The following PTGER4 variants were observed in gnomAD, a reference collection of about 807,000 sequenced individuals.
PTGER4 encodes prostaglandin E receptor 4, also known as prostaglandin E2 receptor EP4 subtype.
Under a neutral mutation model 33.2 loss-of-function variants are expected in PTGER4, and 11 were observed. That is an observed-to-expected ratio of 0.33 (90% CI 0.21 to 0.55). The LOEUF (loss-of-function observed/expected upper bound fraction) is 0.55, where lower values mean the gene tolerates loss of function less well. Ranked by LOEUF, PTGER4 falls within the 20% of genes least tolerant of loss-of-function variation. The pLI is 0.92. For synonymous variants in PTGER4, 275 were observed against 281.5 expected, an observed-to-expected ratio of 0.98 and a Z score of 0.23; for missense variants, 481 against 650.2, an observed-to-expected ratio of 0.74 and a Z score of 2.83.
rs562857775 is a variant in PTGER4 at position 40,692,359 on chromosome 5, T to C, written c.1448T>C (p.Leu483Ser). Residue 483 changes from leucine (L) to serine (S), a missense_variant, in exon 3 of 3, where the codon TTA becomes TCA. Leu to Ser is a moderately radical substitution (Grantham distance 145). Around this residue, in one of 7 missense-constraint regions of PTGER4, gnomAD observed 172 missense variants for 199.2 expected, o/e 0.86. Transcript: ENST00000302472. ...ACATTTCCCAGTGAAACACTGAACT[T>C]ATCAGAAAAATGTATATAATAGGCA... is the stretch of plus-strand genomic sequence containing the variant. ...QVTFPSETLN[L>S]SEKCI 15 of 1,595,146 alleles carry C rather than the reference T, an allele frequency of 9.4e-6. No homozygotes were observed. The South Asian group carries it at 1.7e-4, about 18-fold the overall frequency.
At chr5:40,701,320 G>T in the PTGER4 span, among the ~76,000 whole-genome samples, 1 of 152,112 alleles carries the variant, frequency 6.6e-6, no homozygotes, top group African/African-American at 2.4e-5. Flanking sequence ...TGAAATAGCT[G>T]GTATCAAAAC....
At chr5:40,713,901 C>T in the PTGER4 span, among the ~76,000 whole-genome samples, 1 of 152,178 alleles carries the variant, frequency 6.6e-6, no homozygotes, top group Non-Finnish European at 1.5e-5. Flanking sequence ...GCATTTTTCT[C>T]TTCACGCATA....
At chr5:40,701,355 G>C in the PTGER4 span, among the ~76,000 whole-genome samples, 1 of 152,154 alleles carries the variant, frequency 6.6e-6, no homozygotes, top group Non-Finnish European at 1.5e-5. Flanking sequence ...TGACAGAGCT[G>C]AATAACACAA....
the PTGER4 span, among the ~76,000 whole-genome samples, chr5:40,707,773 A>G: frequency 4.1e-3 from 629 of 152,288 alleles, 3 homozygotes; most frequent in African/African-American, 0.015. Context: ...CTGACCACAT[A>G]GTTGGAAGTA....
At chr5:40,730,582 A>G in the PTGER4 span, among the ~76,000 whole-genome samples, 2 of 152,252 alleles carry the variant, frequency 1.3e-5, no homozygotes, top group South Asian at 2.1e-4. Flanking sequence ...TACCCATTAA[A>G]CAATAACTCC....
chr5:40,743,853 G>A, the PTGER4 span, among the ~76,000 whole-genome samples: 1 of 152,160 alleles, frequency 6.6e-6, no homozygotes, highest in Admixed American at 6.5e-5. Flanking sequence ...AGCAAAAAAT[G>A]TAATCATGTT....
At chr5:40,737,453 A>G in the PTGER4 span, among the ~76,000 whole-genome samples, 4 of 152,240 alleles carry the variant, frequency 2.6e-5, no homozygotes, top group African/African-American at 9.6e-5. Flanking sequence ...TTATCTGTCA[A>G]TTAACTTGCA....
chr5:40,742,395 C>T, the PTGER4 span, among the ~76,000 whole-genome samples: 5 of 152,028 alleles, frequency 3.3e-5, no homozygotes, highest in Admixed American at 6.6e-5. Context: ...ACATTACATA[C>T]GTAAATTCAT....
At chr5:40,710,385 T>C in the PTGER4 span, among the ~76,000 whole-genome samples, 2 of 152,192 alleles carry the variant, frequency 1.3e-5, no homozygotes, top group African/African-American at 2.4e-5. Context: ...AGATACCATC[T>C]AACACCAGTT....
intron 2 of PTGER4, among the ~76,000 whole-genome samples, chr5:40,682,467 G>A (rs571081995): frequency 2.0e-5 from 3 of 152,000 alleles, no homozygotes; most frequent in Non-Finnish European, 2.9e-5. Context: ...TAATCCAGCC[G>A]AACCTACACA....
At chr5:40,721,127 C>T in the PTGER4 span, among the ~76,000 whole-genome samples, 1 of 152,152 alleles carries the variant, frequency 6.6e-6, no homozygotes, top group African/African-American at 2.4e-5. Context: ...TCCAATGCCC[C>T]AGTTTTTATG....
At chr5:40,687,047 G>T (rs1433556930) in intron 2 of PTGER4, among the ~76,000 whole-genome samples, 2 of 152,074 alleles carry the variant, frequency 1.3e-5, no homozygotes, top group African/African-American at 4.8e-5. Flanking sequence ...TTTTGTTTTT[G>T]TTTTTGTTTT....
chr5:40,741,445 C>T, the PTGER4 span, among the ~76,000 whole-genome samples: 1 of 152,198 alleles, frequency 6.6e-6, no homozygotes, highest in South Asian at 2.1e-4. Context: ...CAGTCATTTT[C>T]CCTGGATTTA....
chr5:40,746,689 T>C, the PTGER4 span: 3 of 848,510 alleles, frequency 3.5e-6, no homozygotes, highest in African/African-American at 3.5e-5. Flanking sequence ...GCACCTAGAA[T>C]AGATTTTTAA....
chr5:40,691,648 C>A lies in PTGER4; in HGVS notation c.868-131C>A. 1 of 1,282,694 alleles carries A rather than the reference C, an allele frequency of 7.8e-7. No individual in the cohort carries two copies. The highest frequency in any genetic ancestry group is 1.1e-6 in the Non-Finnish European group (1 of 939,378). 79.5% of individuals were successfully genotyped at this position (1,282,694 alleles called of 1,614,324 possible). ...GGTTTTTCTGAGGCTTATTATGTAG[C>A]TTCCTCTTTTCCTGGAACTTGTTAC... On this transcript the variant is annotated intron_variant, in intron 2 of 2. Transcript: ENST00000302472. This position sits in a 1 kb window ranked among gnomAD's most constrained non-coding sequence, Gnocchi z 4.2.
At position 40,691,977 on chromosome 5, in the gene PTGER4, A is replaced by G. The variant is rs767420562; in HGVS notation, c.1066A>G (p.Arg356Gly). 6.2e-7 allele frequency: 1 copy of G among 1,613,422 alleles called. No individual in the cohort carries two copies. The highest frequency in any genetic ancestry group is 8.5e-7 in the Non-Finnish European group (1 of 1,179,990). ...CTTCTGCCGCATTGGCGGGTCCCGC[A>G]GGGAGCGCTCCGGACAGCACTGCTC... ...CLFCRIGGSR[R>G]ERSGQHCSDS... The change falls in exon 3 of 3, where the codon AGG (arginine) becomes GGG (glycine). Residue 356 changes from arginine to glycine, a missense_variant. By Grantham distance (125) the Arg-to-Gly change is moderately radical. Around this residue, in one of 7 missense-constraint regions of PTGER4, gnomAD observed 172 missense variants for 199.2 expected, o/e 0.86. Coordinates refer to ENST00000302472, the MANE Select transcript of PTGER4 (RefSeq NM_000958.3). This position sits in a 1 kb window ranked among gnomAD's most constrained non-coding sequence, Gnocchi z 4.2.
chr5:40,712,845 G>C, the PTGER4 span, among the ~76,000 whole-genome samples: 8 of 152,104 alleles, frequency 5.3e-5, no homozygotes, highest in Admixed American at 2.0e-4. Context: ...GACCAAAGTA[G>C]TTCATATATA....
At chr5:40,735,943 A>C in the PTGER4 span, among the ~76,000 whole-genome samples, 1 of 152,240 alleles carries the variant, frequency 6.6e-6, no homozygotes, top group African/African-American at 2.4e-5. Context: ...TTTGTAGTGC[A>C]GTGGGAGCAG....
the PTGER4 span, chr5:40,728,292 A>AAAAAAAAAAAAAAAAAC: frequency 8.0e-7 from 1 of 1,255,186 alleles, no homozygotes; most frequent in African/African-American, 1.5e-5. Context: ...AAAAAAAAAA[A>AAAAAAAAAAAAAAAAAC]AAAGTCAAAA....
Sources: gnomAD v4.1 joint callset for allele counts (sites outside exome capture counted in the v4.1 genomes callset) on GRCh38, gnomAD v4.1.1 for gene constraint, gnomAD v4.1.1 regional missense constraint, Gnocchi (gnomAD v3.1) non-coding constraint, MANE v1.5 for transcripts, NCBI Gene and HGNC (gene_info 2026-07-23, HGNC 2026-07-21) for gene names.